CELF2: variants seen among roughly 807,000 people sequenced by gnomAD.
CELF2 encodes the protein CUG triplet repeat RNA-binding protein 2.
Under a neutral mutation model 62.6 loss-of-function variants are expected in CELF2, and 8 were observed. The ratio of observed to expected loss-of-function variants is 0.13; its 90% CI spans 0.07 to 0.23. The LOEUF (loss-of-function observed/expected upper bound fraction) is 0.23. Among genes scored for constraint, CELF2 ranks in the 10% least tolerant of loss-of-function variants. The probability of loss-of-function intolerance (pLI) is 1.00; values close to 1 mark genes in which losing one functional copy is unlikely to be tolerated. For synonymous variants in CELF2, 258 were observed against 250.0 expected (o/e 1.03, Z -0.30); for missense variants, 333 against 671.0 (o/e 0.50, Z 5.56).
intron 2 of CELF2, among the ~76,000 whole-genome samples, chr10:11,181,022 A>T (rs2134018081): frequency 6.6e-6 from 1 of 152,266 alleles, no homozygotes; most frequent in Middle Eastern, 3.4e-3. Context: ...GGTGGCTGCC[A>T]GTATGCCCTG....
rs1181847217 is a variant in CELF2 at position 11,197,049 on chromosome 10, G to GAAAGAAAGAAAGAAAGA, written c.272-20365_272-20364insGAAAGAAAAGAAAGAAA. 4.5e-4 allele frequency among the ~76,000 whole-genome samples: 23 copies of GAAAGAAAGAAAGAAAGA among 51,628 alleles called. 5 individuals carry two copies. The highest frequency in any genetic ancestry group is 4.1e-3 in the East Asian group (14 of 3,432). 33.9% of individuals were successfully genotyped at this position (51,628 alleles called of 152,430 possible). ...GAAAAGAAAGAAAGAAAGAAAGAAAGAAAGAAAGAAAAGAAAGAAAGGAAA... is the reference window on the plus strand; with the variant it reads ...GAAAAGAAAGAAAGAAAGAAAGAAAGAAAGAAAGAAAGAAAGAAAAGAAAGAAAAGAAAGAAAGGAAA... On this transcript the variant is annotated intron_variant, in intron 2 of 12. Transcript: ENST00000633077.
chr10:11,190,708 A>G (rs981283974), intron 2 of CELF2, among the ~76,000 whole-genome samples: 3 of 151,420 alleles, frequency 2.0e-5, no homozygotes, highest in African/African-American at 7.3e-5. Flanking sequence ...CTGAAAGCAT[A>G]CAAAAAAGGA....
chr10:11,076,971 G>A (rs2072181002), intron 1 of CELF2, among the ~76,000 whole-genome samples: 1 of 152,190 alleles, frequency 6.6e-6, no homozygotes, highest in Admixed American at 6.5e-5. Context: ...TATTGGACTT[G>A]TAGATAATAC....
intron 1 of CELF2, among the ~76,000 whole-genome samples, chr10:11,131,092 A>T (rs988292001): frequency 1.3e-5 from 2 of 152,256 alleles, no homozygotes; most frequent in Non-Finnish European, 2.9e-5. Flanking sequence ...TTCTACTGAA[A>T]ATACTTGATA....
At chr10:10,492,568 A>G in the CELF2 span, among the ~76,000 whole-genome samples, 1 of 152,336 alleles carries the variant, frequency 6.6e-6, no homozygotes, top group Admixed American at 6.5e-5. Context: ...TTCACTTCTG[A>G]GTACATAGCC....
chr10:11,130,638 A>G (rs1043485722), intron 1 of CELF2, among the ~76,000 whole-genome samples: 5 of 152,212 alleles, frequency 3.3e-5, no homozygotes, highest in Non-Finnish European at 7.3e-5. Context: ...TGAGAGCACA[A>G]TCTATCTGAT....
chr10:11,245,475 G>T (rs1037003444), intron 3 of CELF2, among the ~76,000 whole-genome samples: 3 of 152,218 alleles, frequency 2.0e-5, no homozygotes, highest in Non-Finnish European at 4.4e-5. Flanking sequence ...CTGAAGTGGG[G>T]TGACCATCTA....
chr10:10,877,483 T>C (rs1319600159), intron 1 of CELF2, among the ~76,000 whole-genome samples: 1 of 152,220 alleles, frequency 6.6e-6, no homozygotes, highest in Non-Finnish European at 1.5e-5. Context: ...TCTTTTGAGT[T>C]TCTGACTAGC....
In CELF2 at chr10:11,157,951, C is replaced by T. The variant is rs1195400261; in HGVS notation, c.75-7535C>T. Among the ~76,000 whole-genome samples the T allele has an allele frequency of 6.6e-6, 1 of 152,184 alleles. No individual in the cohort carries two copies. Among genetic ancestry groups the T allele is most frequent in the Non-Finnish European group, 1.5e-5 (1 of 68,044 alleles). ...CAGATGTCGTGTGTCTTTCGTTTGC[C>T]CCCCTTGATGTGGGTCCCTTTAATC... On this transcript the variant is annotated intron_variant, in intron 1 of 12. Transcript: ENST00000633077. The surrounding 1 kb of genome is among the most constrained non-coding windows in gnomAD (Gnocchi z 4.9).
chr10:11,058,070 GAAAAA>G (rs34621194), intron 1 of CELF2, among the ~76,000 whole-genome samples: 1 of 126,772 alleles, frequency 7.9e-6, no homozygotes, highest in Non-Finnish European at 1.7e-5. Flanking sequence ...ATCTGAAGAG[GAAAAA>G]AAAAAAAAAA....
At chr10:10,878,634 T>C (rs2061259371) in intron 1 of CELF2, among the ~76,000 whole-genome samples, 1 of 152,160 alleles carries the variant, frequency 6.6e-6, no homozygotes, top group African/African-American at 2.4e-5. Context: ...AAGTTGGTCA[T>C]TTGTGCTGAG....
chr10:10,989,341 G>A (rs1260226129), intron 2 of CELF2, among the ~76,000 whole-genome samples: 3 of 152,084 alleles, frequency 2.0e-5, no homozygotes, highest in African/African-American at 7.2e-5. Context: ...AGAAAGTATA[G>A]CTACCAGTTT....
In CELF2 at chr10:11,018,085, C is replaced by T; in HGVS notation, c.-5C>T. On this transcript the variant is annotated 5_prime_UTR_variant, in exon 1 of 13. Coordinates refer to ENST00000633077, the MANE Select transcript of CELF2 (RefSeq NM_001326342.2). ...CCGCCGCTGCCGCCGCGTGCGCCCG[C>T]GAACATGACTTCTGCCTTCAAGCTG... The T allele has an allele frequency of 2.0e-6, 3 of 1,469,400 alleles. No individual in the cohort carries two copies. Among genetic ancestry groups the T allele is most frequent in the Non-Finnish European group, 1.8e-6 (2 of 1,099,048 alleles). 91.0% of individuals were successfully genotyped at this position (1,469,400 alleles called of 1,614,324 possible).
chr10:10,985,115 T>C (rs57109743), intron 2 of CELF2, among the ~76,000 whole-genome samples: 1,605 of 152,322 alleles, frequency 0.011, 26 homozygotes, highest in African/African-American at 0.037. Context: ...GTATAACATC[T>C]ACGAAGATGT....
chr10:11,172,013 A>G (rs1176128528), intron 2 of CELF2, among the ~76,000 whole-genome samples: 2 of 152,180 alleles, frequency 1.3e-5, no homozygotes, highest in East Asian at 3.8e-4. Context: ...TATTTAAGCA[A>G]TGTTATCTTG....
At chr10:11,299,707 C>T (rs953947818) in intron 9 of CELF2, among the ~76,000 whole-genome samples, 1 of 152,162 alleles carries the variant, frequency 6.6e-6, no homozygotes, top group Admixed American at 6.5e-5. Context: ...ACAGCGCCAC[C>T]GCACCACGAG....
At chr10:10,834,795 C>T (rs754367729) in intron 1 of CELF2, among the ~76,000 whole-genome samples, 10 of 152,170 alleles carry the variant, frequency 6.6e-5, no homozygotes, top group Non-Finnish European at 1.0e-4. Flanking sequence ...ATTAACAGCA[C>T]GAGAGGAAGC....
rs962440821 is a variant in CELF2, at chr10:11,246,653, G to C, written c.355-2500G>C. ...TCCTCTCCTCTCATGGCTCCCATGG[G>C]ACCAGTTGCTCCTGCAGCTCCTCCT... is the stretch of plus-strand genomic sequence containing the variant. On this transcript the variant is annotated intron_variant, in intron 3 of 12. Transcript: ENST00000633077. This position sits in a 1 kb window ranked among gnomAD's most constrained non-coding sequence, Gnocchi z 4.6. Among the ~76,000 whole-genome samples the C allele has an allele frequency of 6.6e-6, 1 of 152,132 alleles. No homozygotes were observed. Among genetic ancestry groups the C allele is most frequent in the African/African-American group, 2.4e-5 (1 of 41,406 alleles).
rs567923210 is a variant in CELF2 at position 11,106,889 on chromosome 10, A to G, written c.75-58597A>G. On this transcript the variant is annotated intron_variant, in intron 1 of 12. Transcript: ENST00000633077. Reference sequence around the variant, plus strand: ...GGCTACTTCTCAGCTCAGACTTACTATCTAAACCTCTCTGCAGAAAGGCTG... The same window carrying G: ...GGCTACTTCTCAGCTCAGACTTACTGTCTAAACCTCTCTGCAGAAAGGCTG... Among the ~76,000 whole-genome samples the G allele has an allele frequency of 6.6e-5, 10 of 152,240 alleles. No homozygotes were observed. In the South Asian group the frequency reaches 2.1e-3, roughly 32 times the overall value.
Sources: allele counts gnomAD v4.1 joint callset (sites outside exome capture counted in the v4.1 genomes callset), GRCh38; gene constraint gnomAD v4.1.1; non-coding constraint Gnocchi (gnomAD v3.1); transcripts MANE v1.5; gene names NCBI Gene and HGNC (gene_info 2026-07-23, HGNC 2026-07-21).